KLRC1: variants seen among roughly 807,000 people sequenced by gnomAD.
KLRC1 encodes the protein killer cell lectin like receptor C1.
In KLRC1, 22 loss-of-function variants were observed where a neutral mutation model predicts 25.9. The ratio of observed to expected loss-of-function variants is 0.85; its 90% CI spans 0.61 to 1.21. The LOEUF is 1.21. Ranked by LOEUF, KLRC1 falls within the 50% of genes most tolerant of loss-of-function variation. KLRC1 has a pLI of 0.00. For missense variants in KLRC1, 240 were observed against 272.2 expected (o/e 0.88, Z 0.83); for synonymous variants, 77 against 93.1 (o/e 0.83, Z 0.99).
rs759930758 is a variant in KLRC1, at chr12:10,446,506, A to G, written c.*45T>C. 24 of 1,554,750 alleles carry G rather than the reference A, an allele frequency of 1.5e-5. No homozygotes were observed. Among genetic ancestry groups the G allele is most frequent in the Non-Finnish European group, 1.9e-5 (22 of 1,144,252 alleles). On this transcript the variant is annotated 3_prime_UTR_variant, in exon 7 of 7. Transcript: ENST00000359151. ...ATCATAATATATTTCTATTTTAAGA[A>G]ATATACAATTTATCTGATGCACTGC... is the stretch of plus-strand genomic sequence containing the variant.
chr12:10,443,053 AAGAT>A (rs989815263), downstream of KLRC1, among the ~76,000 whole-genome samples: 4 of 128,420 alleles, frequency 3.1e-5, no homozygotes, highest in Admixed American at 1.5e-4. Flanking sequence ...GTACGAAAAA[AAGAT>A]AGAAAGGATG....
chr12:10,450,065 T>G, intron 3 of KLRC1, 98 bp from the exon 4 acceptor site: 1 of 923,690 alleles, frequency 1.1e-6, no homozygotes, highest in African/African-American at 1.7e-5. Flanking sequence ...TATTTAGAGT[T>G]AGAATAATAT....
chr12:10,451,664 A>AG (rs1864130146), intron 1 of KLRC1, among the ~76,000 whole-genome samples: 1 of 152,026 alleles, frequency 6.6e-6, no homozygotes, highest in Non-Finnish European at 1.5e-5. Context: ...TCAAAAAAAA[A>AG]AGATAAATTT....
downstream of KLRC1, among the ~76,000 whole-genome samples, chr12:10,443,546 T>A (rs1398689948): frequency 7.1e-6 from 1 of 141,368 alleles, no homozygotes; most frequent in Non-Finnish European, 1.5e-5. Flanking sequence ...TTGAATAAAG[T>A]GAATAAGTAA....
At chr12:10,453,156 ATG>A in intron 1 of KLRC1, 40 bp downstream of exon 1, 1 of 902,180 alleles carries the variant, frequency 1.1e-6, no homozygotes, top group South Asian at 5.1e-5. Flanking sequence ...CACCCACTAA[ATG>A]AGGTAGGCTA....
Position 10,449,193 on chromosome 12 carries a change from C to T in KLRC1, c.489+44G>A, listed in dbSNP as rs147421369. On this transcript the variant is annotated intron_variant, in intron 5 of 6. Coordinates refer to ENST00000359151, the MANE Select transcript of KLRC1 (RefSeq NM_002259.5). ...TGATTTCTACAAATATATTATCGAC[C>T]GAAAGAAGCTTTTCATAAAGTGTTT... 185 of 1,610,382 alleles carry T rather than the reference C, an allele frequency of 1.1e-4. 1 individual carries two copies. Among genetic ancestry groups the T allele is most frequent in the South Asian group, 1.0e-3 (94 of 90,804 alleles).
intron 5 of KLRC1, among the ~76,000 whole-genome samples, chr12:10,448,658 C>T (rs1394584053): frequency 6.6e-6 from 1 of 152,132 alleles, no homozygotes; most frequent in Non-Finnish European, 1.5e-5. Flanking sequence ...GTACATACTA[C>T]AGCAGTGAAC....
chr12:10,453,464 C>T (rs1182273082), upstream of KLRC1: 1 of 497,092 alleles, frequency 2.0e-6, no homozygotes, highest in Admixed American at 6.4e-5. Context: ...TTTATCTCAT[C>T]ACACACCTCC....
chr12:10,449,139 A>C lies in KLRC1; in HGVS notation c.489+98T>G, dbSNP rs1417975908. 3.4e-6 allele frequency: 5 copies of C among 1,460,538 alleles called. No individual in the cohort carries two copies. In the African/African-American group the frequency reaches 5.7e-5, roughly 17 times the overall value. The allele number at this position is 1,460,538 out of a possible 1,614,324, so 90.5% of individuals were successfully genotyped here. A position where few individuals can be genotyped will look rare whatever the true frequency, so the allele number is the denominator to read the frequency against. On this transcript the variant is annotated intron_variant, in intron 5 of 6. Coordinates refer to ENST00000359151, the MANE Select transcript of KLRC1 (RefSeq NM_002259.5). ...TACTACATAAACTTGAAAACATATA[A>C]GCTAAATGTATATACCCACACATAT...
chr12:10,443,442 G>T (rs573275392), downstream of KLRC1, among the ~76,000 whole-genome samples: 217 of 135,470 alleles, frequency 1.6e-3, 22 homozygotes, highest in South Asian at 0.05. Context: ...AATTGAGGAA[G>T]CATGCTTCAT....
chr12:10,449,781 C>A, intron 4 of KLRC1, 133 bp downstream of exon 4: 1 of 663,034 alleles, frequency 1.5e-6, no homozygotes, highest in South Asian at 3.3e-5. Flanking sequence ...AAGTGAATGC[C>A]TTACTCTAAT....
chr12:10,447,687 A>G, intron 5 of KLRC1, 55 bp from the exon 6 acceptor site: 1 of 1,400,408 alleles, frequency 7.1e-7, no homozygotes. Flanking sequence ...ACATTACAAA[A>G]ACAATATATT....
In KLRC1 at chr12:10,449,374, G is replaced by A; in HGVS notation, c.352C>T (p.His118Tyr). Residue 118 changes from histidine (H) to tyrosine (Y), a missense_variant, in exon 5 of 7, where the codon CAT becomes TAT. Coordinates refer to ENST00000359151, the MANE Select transcript of KLRC1 (RefSeq NM_002259.5). Reference protein sequence around the residue: ...TRTQKARHCGHCPEEWITYSN... With the variant: ...TRTQKARHCGYCPEEWITYSN... The stretch of plus-strand genomic sequence containing the variant: ...TATGTAATCCACTCCTCAGGACAAT[G>A]GCCACAATGACGTGCTAAATAAAGA... The A allele has an allele frequency of 6.2e-7, 1 of 1,613,354 alleles. No individual in the cohort carries two copies. The highest frequency in any genetic ancestry group is 1.7e-5 in the Admixed American group (1 of 59,940).
downstream of KLRC1, among the ~76,000 whole-genome samples, chr12:10,444,247 A>G (rs1028685733): frequency 1.4e-5 from 2 of 143,212 alleles, no homozygotes; most frequent in Middle Eastern, 3.5e-3. Flanking sequence ...GAAAATAATG[A>G]ATAAACAGTA....
downstream of KLRC1, among the ~76,000 whole-genome samples, chr12:10,443,593 T>A (rs1230905137): frequency 3.5e-5 from 5 of 141,836 alleles, 2 homozygotes; most frequent in Non-Finnish European, 6.2e-5. Flanking sequence ...TTTCTCTCAG[T>A]GCTTAACACA....
chr12:10,443,654 C>T (rs1214256935), downstream of KLRC1, among the ~76,000 whole-genome samples: 1 of 141,578 alleles, frequency 7.1e-6, no homozygotes, highest in African/African-American at 2.7e-5. Flanking sequence ...ACGTAGTTAT[C>T]ACTCATATGC....
chr12:10,450,203 TC>T, intron 3 of KLRC1: 1 of 432,124 alleles, frequency 2.3e-6, no homozygotes, highest in Non-Finnish European at 4.0e-6. Flanking sequence ...TTAACTACTT[TC>T]AAAAATTAAT....
chr12:10,451,163 AGT>A lies in KLRC1; in HGVS notation c.-9_-8del. 6.2e-7 allele frequency: 1 copy of A among 1,610,166 alleles called. No homozygotes were observed. ...TTACTCCTTGGTTATCCATCTCTGC[AGT>A]GTGTGATGTCAGGGACTGTACTCTA... On this transcript the variant is annotated 5_prime_UTR_variant, in exon 2 of 7. Coordinates refer to ENST00000359151, the MANE Select transcript of KLRC1 (RefSeq NM_002259.5).
downstream of KLRC1, chr12:10,446,021 G>C (rs59906810): frequency 0.27 from 39,981 of 148,500 alleles, 6,719 homozygotes; most frequent in African/African-American, 0.49. Flanking sequence ...ATAATCCCAG[G>C]AGAGGCTTTT....
Sources: allele counts gnomAD v4.1 joint callset (sites outside exome capture counted in the v4.1 genomes callset), GRCh38; gene constraint gnomAD v4.1.1; transcripts MANE v1.5; gene names NCBI Gene and HGNC (gene_info 2026-07-23, HGNC 2026-07-21).